PCNX2: variants seen among roughly 807,000 people sequenced by gnomAD.
The protein encoded by PCNX2 is pecanex-like protein 2.
A neutral mutation model predicts 223.8 loss-of-function variants in PCNX2; 168 were observed. That is an observed-to-expected ratio of 0.75 (90% confidence interval 0.66 to 0.85). The LOEUF (loss-of-function observed/expected upper bound fraction) is 0.85. Ranked by LOEUF, PCNX2 falls within the 40% of genes least tolerant of loss-of-function variation. PCNX2 has a pLI of 0.00. For missense variants in PCNX2, 2,507 were observed against 2,675.5 expected, an observed-to-expected ratio of 0.94 and a Z score of 1.39; for synonymous variants, 1,006 against 1,052.6, an observed-to-expected ratio of 0.96 and a Z score of 0.86.
chr1:233,049,407 T>C (rs1671921741), intron 25 of PCNX2, among the ~76,000 whole-genome samples: 1 of 151,992 alleles, frequency 6.6e-6, no homozygotes, highest in African/African-American at 2.4e-5. Flanking sequence ...TCACTAGACA[T>C]GAAAAAAACC....
rs539241572 is a variant in PCNX2, at chr1:233,293,833, A to G, written c.153+1493T>C. 406 of 452,706 alleles carry G rather than the reference A, an allele frequency of 9.0e-4. 3 individuals carry two copies. Among genetic ancestry groups the G allele is most frequent in the Non-Finnish European group, 1.1e-3 (380 of 343,382 alleles). 28.0% of individuals were successfully genotyped at this position (452,706 alleles called of 1,614,324 possible). A position where few individuals can be genotyped will look rare whatever the true frequency, so the allele number is the denominator to read the frequency against. On this transcript the variant is annotated intron_variant, in intron 1 of 33. Transcript: ENST00000258229. ...GCTTGCTCAAGCTCATATTAGGTCTAGTGAGCAGCAGAACCAGGATTTCAC... is the reference window on the plus strand; with the variant it reads ...GCTTGCTCAAGCTCATATTAGGTCTGGTGAGCAGCAGAACCAGGATTTCAC...
At chr1:233,087,113 A>G in intron 23 of PCNX2, 3 of 985,432 alleles carry the variant, frequency 3.0e-6, no homozygotes, top group Non-Finnish European at 3.6e-6. Flanking sequence ...AGCCGTGATT[A>G]TCAGGTCACT....
At chr1:233,109,917 A>G (rs1675017756) in intron 21 of PCNX2, among the ~76,000 whole-genome samples, 1 of 152,026 alleles carries the variant, frequency 6.6e-6, no homozygotes, top group Admixed American at 6.6e-5. Flanking sequence ...GAGAAACACC[A>G]TCTCTACTAA....
intron 28 of PCNX2, among the ~76,000 whole-genome samples, chr1:233,009,389 T>C (rs377745420): frequency 6.6e-6 from 1 of 152,360 alleles, no homozygotes; most frequent in East Asian, 1.9e-4. Context: ...AAATAAATTA[T>C]GTTGGCTAAA....
chr1:233,158,675 A>G (rs974833408), intron 19 of PCNX2, among the ~76,000 whole-genome samples: 1 of 152,224 alleles, frequency 6.6e-6, no homozygotes, highest in Non-Finnish European at 1.5e-5. Context: ...GTACAGGTAC[A>G]GGTACAGATA....
chr1:233,141,799 G>GTGTGTGTGTGTGTGTGTA (rs368643677), intron 19 of PCNX2, among the ~76,000 whole-genome samples: 8 of 150,306 alleles, frequency 5.3e-5, no homozygotes, highest in Non-Finnish European at 7.4e-5. Context: ...GTGTGTGTGT[G>GTGTGTGTGTGTGTGTGTA]TATATGAAGA....
At chr1:233,148,235 G>A (rs1005960077) in intron 19 of PCNX2, among the ~76,000 whole-genome samples, 3 of 152,106 alleles carry the variant, frequency 2.0e-5, no homozygotes, top group Non-Finnish European at 4.4e-5. Flanking sequence ...CCCAAGGCAC[G>A]GTTTTCCTGG....
At chr1:233,107,212 C>A (rs918487734) in intron 21 of PCNX2, among the ~76,000 whole-genome samples, 5 of 150,406 alleles carry the variant, frequency 3.3e-5, no homozygotes, top group Admixed American at 6.6e-5. Context: ...CACACACACA[C>A]AAAACCATGC....
chr1:233,008,999 G>A (rs1405306223), intron 28 of PCNX2, among the ~76,000 whole-genome samples: 1 of 152,204 alleles, frequency 6.6e-6, no homozygotes, highest in Non-Finnish European at 1.5e-5. Context: ...AGCAGATGGA[G>A]ATTAACTGCT....
rs745867353 is a variant in PCNX2 at position 233,258,969 on chromosome 1, C to T, written c.893G>A (p.Arg298Gln). 22 of 1,613,804 alleles carry T rather than the reference C, an allele frequency of 1.4e-5. No homozygotes were observed. Among genetic ancestry groups the T allele is most frequent in the Non-Finnish European group, 1.7e-5 (20 of 1,179,884 alleles). The change falls in exon 5 of 34, where the codon CGG (arginine) becomes CAG (glutamine). Residue 298 changes from arginine to glutamine, a missense_variant. Arg to Gln is a conservative substitution (Grantham distance 43). Coordinates refer to ENST00000258229, the MANE Select transcript of PCNX2 (RefSeq NM_014801.4). ...VSCPRGSIRE[R>Q]VQSKSPQDSL... ...GTCCTGAGGTGACTTGCTTTGTACC[C>T]GTTCCCTTATGGAGCCCCGGGGACA...
chr1:233,063,151 C>G (rs1255974216), intron 23 of PCNX2, among the ~76,000 whole-genome samples: 1 of 152,150 alleles, frequency 6.6e-6, no homozygotes, highest in African/African-American at 2.4e-5. Context: ...GCAGGAGAAT[C>G]TCTTGAACCT....
intron 17 of PCNX2, among the ~76,000 whole-genome samples, chr1:233,175,128 C>T (rs1291759267): frequency 6.6e-6 from 1 of 151,894 alleles, no homozygotes; most frequent in African/African-American, 2.4e-5. Flanking sequence ...AAAATAAGAG[C>T]TGGAGACACA....
chr1:233,258,521 T>C lies in PCNX2; in HGVS notation c.1341A>G (p.Glu447=), dbSNP rs754994504. 6.2e-7 allele frequency: 1 copy of C among 1,614,016 alleles called. No homozygotes were observed. Among genetic ancestry groups the C allele is most frequent in the South Asian group, 1.1e-5 (1 of 91,082 alleles). The change falls in exon 5 of 34, where the codon GAA becomes GAG. Residue 447 remains glutamate, a synonymous_variant. Transcript: ENST00000258229. ...CTGGAGTCCTTTCACTTCCATTGCC[T>C]TCGGGACAGGGAACACCTCCTCCCC... The part of the protein sequence containing the change: ...EGGGGGVPCP[E]GNGSERTPER...
At chr1:233,264,959 C>G (rs1246353071) in intron 1 of PCNX2, among the ~76,000 whole-genome samples, 1 of 152,072 alleles carries the variant, frequency 6.6e-6, no homozygotes, top group Non-Finnish European at 1.5e-5. Flanking sequence ...GATATTCCGC[C>G]AGGCATAGTG....
chr1:233,206,754 T>C (rs1431046922), intron 13 of PCNX2, among the ~76,000 whole-genome samples: 2 of 152,142 alleles, frequency 1.3e-5, no homozygotes, highest in Non-Finnish European at 2.9e-5. Flanking sequence ...GCACGGTGGC[T>C]CACGCCTGTA....
At chr1:233,263,456 T>C in intron 1 of PCNX2, among the ~76,000 whole-genome samples, 1 of 73,828 alleles carries the variant, frequency 1.4e-5, no homozygotes, top group East Asian at 2.9e-4. Context: ...CTCTCCATTT[T>C]TTTTTTTTTT....
At position 233,165,563 on chromosome 1, in the gene PCNX2, A is replaced by G. The variant is rs538937815; in HGVS notation, c.3274-4200T>C. On this transcript the variant is annotated intron_variant, in intron 17 of 33. Coordinates refer to ENST00000258229, the MANE Select transcript of PCNX2 (RefSeq NM_014801.4). ...TTGTGGTTTTAATTTGCCTTTTCCA[A>G]TGACTAATGATGAACATATTTTCAT... Among the ~76,000 whole-genome samples the G allele has an allele frequency of 2.0e-5, 3 of 152,314 alleles. No homozygotes were observed. The East Asian group carries it at 5.8e-4, about 29-fold the overall frequency.
chr1:233,181,669 A>T (rs1243233563), intron 15 of PCNX2, among the ~76,000 whole-genome samples: 1 of 152,108 alleles, frequency 6.6e-6, no homozygotes, highest in Non-Finnish European at 1.5e-5. Context: ...TGAAAGCCCA[A>T]GGTCAAGGTG....
intron 21 of PCNX2, among the ~76,000 whole-genome samples, chr1:233,107,186 T>C (rs1023387368): frequency 5.3e-5 from 6 of 112,662 alleles, no homozygotes; most frequent in South Asian, 5.1e-4. Flanking sequence ...ACATGTATTA[T>C]ACACACACAC....
Sources: allele counts gnomAD v4.1 joint callset (sites outside exome capture counted in the v4.1 genomes callset), GRCh38; gene constraint gnomAD v4.1.1; transcripts MANE v1.5; gene names NCBI Gene and HGNC (gene_info 2026-07-23, HGNC 2026-07-21).